The following CFAP221 variants were observed in gnomAD, a reference collection of about 807,000 sequenced individuals.
CFAP221 encodes cilia and flagella associated protein 221, also known as cilia- and flagella-associated protein 221.
In CFAP221, 97 loss-of-function variants were observed where a neutral mutation model predicts 113.1. That is an observed-to-expected ratio of 0.86 (90% CI 0.73 to 1.02). CFAP221 has a LOEUF of 1.02. Ranked by LOEUF, CFAP221 falls within the 50% of genes least tolerant of loss-of-function variation. The probability of loss-of-function intolerance (pLI) is 0.00; values close to 1 mark genes in which losing one functional copy is unlikely to be tolerated. For missense variants in CFAP221, 1,025 were observed against 1,013.4 expected (o/e 1.01, Z -0.16); for synonymous variants, 331 against 354.4 (o/e 0.93, Z 0.74).
intron 3 of CFAP221, chr2:119,556,226 A>G (rs1313819230): frequency 6.6e-6 from 1 of 152,324 alleles, no homozygotes; most frequent in Non-Finnish European, 1.5e-5. Flanking sequence ...CCTCCCAAGT[A>G]GCTGGGACTA....
rs1177384942 is a variant in CFAP221 at position 119,601,367 on chromosome 2, A to G, written c.781A>G (p.Met261Val). 2 of 1,527,250 alleles carry G rather than the reference A, an allele frequency of 1.3e-6. No homozygotes were observed. The highest frequency in any genetic ancestry group is 1.8e-6 in the Non-Finnish European group (2 of 1,140,772). 94.6% of individuals were successfully genotyped at this position (1,527,250 alleles called of 1,614,324 possible). Reference sequence around the variant, plus strand: ...CTTCACCGGAACATGCTATCCCAACATGGCCTTACCGTATGGCGTCTTTGC... The same window carrying G: ...CTTCACCGGAACATGCTATCCCAACGTGGCCTTACCGTATGGCGTCTTTGC... ...CVFTGTCYPNMALPLEEFERL... is the reference protein window; with the variant it reads ...CVFTGTCYPNVALPLEEFERL... The change falls in exon 8 of 24, where the codon ATG becomes GTG. Residue 261 changes from methionine to valine, a missense_variant. Transcript: ENST00000413369.
chr2:119,659,732 G>A (rs1688553746), downstream of CFAP221, among the ~76,000 whole-genome samples: 1 of 123,148 alleles, frequency 8.1e-6, no homozygotes, highest in South Asian at 2.7e-4. Context: ...GCACCCCTGG[G>A]CCTCTGCACA....
At chr2:119,569,202 C>T (rs754940833) in intron 6 of CFAP221, among the ~76,000 whole-genome samples, 10 of 151,940 alleles carry the variant, frequency 6.6e-5, no homozygotes, top group Non-Finnish European at 1.0e-4. Flanking sequence ...GGCACAATCT[C>T]GGCTCATTGC....
At chr2:119,643,626 CCT>C (rs1687628018) in intron 21 of CFAP221, among the ~76,000 whole-genome samples, 1 of 152,126 alleles carries the variant, frequency 6.6e-6, no homozygotes, top group Non-Finnish European at 1.5e-5. Context: ...CTCACTGCAA[CCT>C]CCGCCTCCCA....
chr2:119,553,721 A>G (rs1680585021), intron 3 of CFAP221, among the ~76,000 whole-genome samples: 1 of 152,078 alleles, frequency 6.6e-6, no homozygotes, highest in Admixed American at 6.6e-5. Flanking sequence ...ATTCGTGGGG[A>G]GCAAGGGAGT....
downstream of CFAP221, among the ~76,000 whole-genome samples, chr2:119,656,966 G>T (rs919293740): frequency 6.6e-6 from 1 of 152,126 alleles, no homozygotes; most frequent in Non-Finnish European, 1.5e-5. Context: ...ACACTGTGAG[G>T]TGACTAGAGC....
At chr2:119,563,488 T>G (rs561647772) in intron 6 of CFAP221, among the ~76,000 whole-genome samples, 49 of 152,290 alleles carry the variant, frequency 3.2e-4, no homozygotes, top group African/African-American at 1.1e-3. Flanking sequence ...GGAAAATATA[T>G]ACTGTCCTGA....
At chr2:119,572,808 AC>A (rs1682163180) in intron 6 of CFAP221, 1 of 509,878 alleles carries the variant, frequency 2.0e-6, no homozygotes, top group Non-Finnish European at 3.5e-6. Flanking sequence ...CAGCAAGTGG[AC>A]CATGTACTCA....
intron 11 of CFAP221, among the ~76,000 whole-genome samples, chr2:119,605,694 C>T (rs369759440): frequency 3.3e-5 from 5 of 152,170 alleles, no homozygotes; most frequent in Admixed American, 2.6e-4. Flanking sequence ...CTCTGGGGGG[C>T]TCCTAATGGA....
intron 6 of CFAP221, among the ~76,000 whole-genome samples, chr2:119,585,128 A>C (rs779139171): frequency 3.3e-5 from 5 of 152,256 alleles, no homozygotes; most frequent in Admixed American, 2.0e-4. Context: ...AGAGCTTTAC[A>C]TATATCCATG....
At chr2:119,575,420 A>G (rs1682376275) in intron 6 of CFAP221, among the ~76,000 whole-genome samples, 1 of 152,176 alleles carries the variant, frequency 6.6e-6, no homozygotes, top group Non-Finnish European at 1.5e-5. Flanking sequence ...GGTGAGGTGC[A>G]AAGAGCTATT....
intron 6 of CFAP221, among the ~76,000 whole-genome samples, chr2:119,579,237 G>A (rs546761307): frequency 9.9e-5 from 15 of 151,982 alleles, no homozygotes; most frequent in Non-Finnish European, 1.3e-4. Flanking sequence ...ATTCCTCTAA[G>A]TTACAGAAGA....
intron 5 of CFAP221, among the ~76,000 whole-genome samples, chr2:119,561,759 C>T (rs779743180): frequency 3.3e-5 from 5 of 151,718 alleles, no homozygotes; most frequent in Non-Finnish European, 7.4e-5. Context: ...GTCTTCATAT[C>T]TCTATGAGGC....
downstream of CFAP221, among the ~76,000 whole-genome samples, chr2:119,658,521 AACTGGTACTTGTTGCT>A (rs537883893): frequency 1.9e-4 from 29 of 152,250 alleles, no homozygotes; most frequent in South Asian, 6.0e-3. Context: ...CTGCTACAGC[AACTGGTACTTGTTGCT>A]ACTGTGGTCC....
intron 22 of CFAP221, among the ~76,000 whole-genome samples, chr2:119,647,567 G>C (rs985932624): frequency 6.6e-6 from 1 of 152,084 alleles, no homozygotes; most frequent in African/African-American, 2.4e-5. Flanking sequence ...CTTGTCCCAG[G>C]GCAGCTTCTC....
chr2:119,557,533 T>C (rs1012083148), intron 3 of CFAP221: 10 of 152,330 alleles, frequency 6.6e-5, no homozygotes, highest in Non-Finnish European at 1.2e-4. Flanking sequence ...TCATACCCCT[T>C]TTGTTTGAGA....
chr2:119,591,489 C>A (rs1683592725), intron 7 of CFAP221, among the ~76,000 whole-genome samples: 1 of 152,210 alleles, frequency 6.6e-6, no homozygotes. Context: ...ATAATTGCTT[C>A]TATTTACTAA....
intron 20 of CFAP221, among the ~76,000 whole-genome samples, chr2:119,639,016 T>C (rs1024269464): frequency 2.6e-5 from 4 of 152,042 alleles, no homozygotes; most frequent in African/African-American, 9.7e-5. Context: ...GGACTTTGTG[T>C]AGTTACCCAT....
chr2:119,584,976 G>C (rs1171479598), intron 6 of CFAP221, among the ~76,000 whole-genome samples: 1 of 152,166 alleles, frequency 6.6e-6, no homozygotes, highest in East Asian at 1.9e-4. Context: ...TGCATGTGGA[G>C]TCATGCAGTA....
Sources: gnomAD v4.1 joint callset for allele counts (sites outside exome capture counted in the v4.1 genomes callset) on GRCh38, gnomAD v4.1.1 for gene constraint, MANE v1.5 for transcripts, NCBI Gene and HGNC (gene_info 2026-07-23, HGNC 2026-07-21) for gene names.